The following EMID1 variants were observed in gnomAD, a reference collection of about 807,000 sequenced individuals.
The protein encoded by EMID1 is EMI domain containing 1.
In EMID1, 40 loss-of-function variants were observed where a neutral mutation model predicts 60.6. That is an observed-to-expected ratio of 0.66 (90% CI 0.51 to 0.86). EMID1 has a LOEUF of 0.86. EMID1 is among the 40% of genes least tolerant of loss of function. The probability of loss-of-function intolerance (pLI) is 0.00; values close to 1 mark genes in which losing one functional copy is unlikely to be tolerated. For missense variants in EMID1, 585 were observed against 597.1 expected (o/e 0.98, Z 0.21); for synonymous variants, 242 against 231.0 (o/e 1.05, Z -0.43).
intron 3 of EMID1, among the ~76,000 whole-genome samples, chr22:29,223,428 AC>A (rs2040374794): frequency 6.6e-6 from 1 of 152,232 alleles, no homozygotes; most frequent in Non-Finnish European, 1.5e-5. Flanking sequence ...CAAAAAGAGT[AC>A]TAAAATGACA....
chr22:29,245,309 C>G (rs1282974585), intron 13 of EMID1, among the ~76,000 whole-genome samples: 5 of 152,216 alleles, frequency 3.3e-5, no homozygotes, highest in Admixed American at 6.5e-5. Flanking sequence ...CCCAGAGGCC[C>G]TTGGTCTGGG....
chr22:29,248,210 C>T (rs575058390), intron 13 of EMID1, among the ~76,000 whole-genome samples: 2 of 149,496 alleles, frequency 1.3e-5, no homozygotes, highest in Non-Finnish European at 3.0e-5. Flanking sequence ...CCGCCTGCTT[C>T]GGTCTCCCAA....
At chr22:29,210,972 A>G (rs1358195978) in intron 1 of EMID1, among the ~76,000 whole-genome samples, 1 of 151,086 alleles carries the variant, frequency 6.6e-6, no homozygotes, top group Non-Finnish European at 1.5e-5. Flanking sequence ...GTGTGTGTGT[A>G]CACATGTGCC....
At chr22:29,243,404 C>A (rs539402042) in intron 12 of EMID1, 41 bp from the exon 13 acceptor site, 11 of 1,608,184 alleles carry the variant, frequency 6.8e-6, no homozygotes, top group Non-Finnish European at 9.4e-6. Flanking sequence ...TTTCTGTCTC[C>A]TTGCCTTCCT....
chr22:29,231,121 C>T lies in EMID1; in HGVS notation c.567C>T (p.Pro189=), dbSNP rs551008616. 52 of 1,607,954 alleles carry T rather than the reference C, an allele frequency of 3.2e-5. No homozygotes were observed. Among genetic ancestry groups the T allele is most frequent in the African/African-American group, 2.4e-4 (18 of 74,794 alleles). ...GTCCCCCTCCTGCCCAGGGCAGCCCCGGAGATGGAGGCCTCCAGGGTGAGT... is the reference window on the plus strand; with the variant it reads ...GTCCCCCTCCTGCCCAGGGCAGCCCTGGAGATGGAGGCCTCCAGGGTGAGT... ...LWGPPPAQGS[P]GDGGLQDQVG... The change falls in exon 6 of 15, where the codon CCC becomes CCT. Residue 189 remains proline, a synonymous_variant. Transcript: ENST00000334018.
intron 13 of EMID1, among the ~76,000 whole-genome samples, chr22:29,251,291 A>G (rs2041519780): frequency 6.6e-6 from 1 of 151,454 alleles, no homozygotes; most frequent in Admixed American, 6.6e-5. Context: ...CATGTGGGCT[A>G]GGCTGGTCTG....
intron 13 of EMID1, among the ~76,000 whole-genome samples, chr22:29,251,652 C>T (rs1293759823): frequency 6.6e-6 from 1 of 152,134 alleles, no homozygotes; most frequent in Non-Finnish European, 1.5e-5. Flanking sequence ...TGTGTGCCAC[C>T]ACACCCAAAT....
chr22:29,213,800 G>A (rs891812028), intron 1 of EMID1, among the ~76,000 whole-genome samples: 11 of 152,140 alleles, frequency 7.2e-5, no homozygotes, highest in Non-Finnish European at 8.8e-5. Flanking sequence ...TTCCCAGGCC[G>A]GGGCGTTTAC....
In EMID1 at chr22:29,209,234, G is replaced by A. The variant is rs190285035; in HGVS notation, c.101+3095G>A. On this transcript the variant is annotated intron_variant, in intron 1 of 14. Coordinates refer to ENST00000334018, the MANE Select transcript of EMID1 (RefSeq NM_133455.4). ...GGGTGGAGTGTGGGTGTAGGTGGGG[G>A]GCCTTTGTGGGAGTGGCCGGTGCCA... Among the ~76,000 whole-genome samples the A allele has an allele frequency of 4.1e-3, 631 of 152,306 alleles. 8 individuals carry two copies. Among genetic ancestry groups the A allele is most frequent in the Middle Eastern group, 0.017 (5 of 294 alleles).
intron 3 of EMID1, among the ~76,000 whole-genome samples, chr22:29,219,437 A>G (rs533556910): frequency 6.6e-6 from 1 of 152,124 alleles, no homozygotes; most frequent in African/African-American, 2.4e-5. Context: ...CTTGTCTTCC[A>G]AGAAGAGGAA....
chr22:29,229,910 C>T (rs956087300), intron 5 of EMID1, among the ~76,000 whole-genome samples: 11 of 152,210 alleles, frequency 7.2e-5, no homozygotes, highest in African/African-American at 2.4e-4. Flanking sequence ...TCTGGCCTTT[C>T]GTTGGTCCTC....
At chr22:29,245,768 T>C (rs2041309888) in intron 13 of EMID1, among the ~76,000 whole-genome samples, 1 of 152,210 alleles carries the variant, frequency 6.6e-6, no homozygotes, top group African/African-American at 2.4e-5. Flanking sequence ...GTGCTGGGCC[T>C]GCCCACCTGG....
intron 13 of EMID1, among the ~76,000 whole-genome samples, chr22:29,251,970 C>T (rs1231984632): frequency 6.6e-6 from 1 of 152,072 alleles, no homozygotes; most frequent in African/African-American, 2.4e-5. Context: ...ACCGTGCCCA[C>T]TCTAATTTTT....
chr22:29,233,555 G>T, intron 9 of EMID1, 59 bp from the exon 10 acceptor site: 1 of 1,604,242 alleles, frequency 6.2e-7, no homozygotes, highest in Non-Finnish European at 8.5e-7. Context: ...GGGAGCTGAT[G>T]GGGCACTTCC....
intron 6 of EMID1, 64 bp from the exon 7 acceptor site, chr22:29,231,529 T>C: frequency 6.6e-7 from 1 of 1,509,676 alleles, no homozygotes; most frequent in Non-Finnish European, 9.0e-7. Context: ...GTTGGGGGGC[T>C]GGGGCCAGGG....
chr22:29,255,810 A>G (rs184197722), intron 14 of EMID1, among the ~76,000 whole-genome samples: 59 of 152,290 alleles, frequency 3.9e-4, no homozygotes, highest in Admixed American at 8.5e-4. Flanking sequence ...TTGAAGGGCA[A>G]GGATCTGGGG....
At chr22:29,219,271 C>T (rs967770113) in intron 3 of EMID1, among the ~76,000 whole-genome samples, 1 of 152,166 alleles carries the variant, frequency 6.6e-6, no homozygotes, top group South Asian at 2.1e-4. Flanking sequence ...CCAGTCTCAG[C>T]CCCAGCTCCT....
chr22:29,233,564 C>G (rs773467314), intron 9 of EMID1, 50 bp from the exon 10 acceptor site: 1 of 1,608,888 alleles, frequency 6.2e-7, no homozygotes, highest in Non-Finnish European at 8.5e-7. Flanking sequence ...TGGGGCACTT[C>G]CTGAGATTGT....
chr22:29,219,041 T>A (rs1182451505), intron 3 of EMID1, among the ~76,000 whole-genome samples: 3 of 152,132 alleles, frequency 2.0e-5, no homozygotes, highest in Non-Finnish European at 4.4e-5. Context: ...GTTTACCCCC[T>A]GCAGGAGCCA....
Sources: allele counts gnomAD v4.1 joint callset (sites outside exome capture counted in the v4.1 genomes callset), GRCh38; gene constraint gnomAD v4.1.1; transcripts MANE v1.5; gene names NCBI Gene and HGNC (gene_info 2026-07-23, HGNC 2026-07-21).